The following AFG2A variants were observed in gnomAD, a reference collection of about 807,000 sequenced individuals.
The protein encoded by AFG2A is AAA ATPase AFG2A.
At chr4:123,214,777 A>G in the AFG2A span, among the ~76,000 whole-genome samples, 12 of 133,084 alleles carry the variant, frequency 9.0e-5, no homozygotes, top group Non-Finnish European at 1.9e-4. Context: ...CTTCCACTTA[A>G]TGAATAGTAA....
chr4:123,267,462 T>A, the AFG2A span, among the ~76,000 whole-genome samples: 2 of 152,036 alleles, frequency 1.3e-5, no homozygotes, highest in Non-Finnish European at 2.9e-5. Context: ...CATGCTACTT[T>A]ACCATTGTGG....
At chr4:123,109,139 T>C in the AFG2A span, among the ~76,000 whole-genome samples, 1 of 152,102 alleles carries the variant, frequency 6.6e-6, no homozygotes, top group East Asian at 1.9e-4. Flanking sequence ...TGAAGTGGTA[T>C]ATGTGTGTCG....
the AFG2A span, among the ~76,000 whole-genome samples, chr4:123,014,405 T>C: frequency 3.4e-3 from 517 of 152,306 alleles, 3 homozygotes; most frequent in Middle Eastern, 0.014. Context: ...GAGTTTTTTT[T>C]CTTATACTTG....
the AFG2A span, among the ~76,000 whole-genome samples, chr4:123,283,045 G>C: frequency 6.6e-6 from 1 of 152,040 alleles, no homozygotes; most frequent in Non-Finnish European, 1.5e-5. Context: ...GGAAGTCTAG[G>C]TCAGATGCTC....
chr4:123,058,881 A>G, the AFG2A span, among the ~76,000 whole-genome samples: 3 of 152,178 alleles, frequency 2.0e-5, no homozygotes, highest in Non-Finnish European at 4.4e-5. Flanking sequence ...ACAGTCCCTC[A>G]AAGTCTTAAC....
the AFG2A span, among the ~76,000 whole-genome samples, chr4:123,167,626 C>T: frequency 1.3e-5 from 2 of 152,160 alleles, no homozygotes; most frequent in African/African-American, 4.8e-5. Context: ...GGATTACAGG[C>T]GTGAGCCACT....
chr4:123,164,500 A>G, the AFG2A span, among the ~76,000 whole-genome samples: 4 of 152,118 alleles, frequency 2.6e-5, no homozygotes, highest in Non-Finnish European at 4.4e-5. Context: ...AGTAGCTGGG[A>G]TTCCAGGCAC....
the AFG2A span, among the ~76,000 whole-genome samples, chr4:123,055,733 G>C: frequency 5.3e-5 from 8 of 152,292 alleles, no homozygotes; most frequent in East Asian, 1.5e-3. Context: ...GAGGGAGAGA[G>C]AGACACACAC....
chr4:122,924,345 C>T, the AFG2A span, among the ~76,000 whole-genome samples: 4 of 152,180 alleles, frequency 2.6e-5, no homozygotes, highest in Non-Finnish European at 4.4e-5. Flanking sequence ...CATACTCTCC[C>T]TAGCCTATTC....
chr4:123,222,016 G>A, the AFG2A span, among the ~76,000 whole-genome samples: 7 of 152,136 alleles, frequency 4.6e-5, no homozygotes, highest in South Asian at 2.1e-4. Context: ...TTCATTGTCC[G>A]TTTAAATGGA....
chr4:123,118,475 C>T, the AFG2A span, among the ~76,000 whole-genome samples: 6 of 150,932 alleles, frequency 4.0e-5, no homozygotes, highest in African/African-American at 1.5e-4. Context: ...ATCTTTTTCT[C>T]TCAGTAAATG....
At chr4:123,116,714 T>G in the AFG2A span, among the ~76,000 whole-genome samples, 1 of 152,200 alleles carries the variant, frequency 6.6e-6, no homozygotes, top group East Asian at 1.9e-4. Flanking sequence ...AAAAGAGGCT[T>G]TAGAGACAGA....
the AFG2A span, among the ~76,000 whole-genome samples, chr4:123,111,712 T>C: frequency 4.7e-5 from 7 of 149,764 alleles, no homozygotes; most frequent in Non-Finnish European, 1.0e-4. Context: ...ATTATACTTC[T>C]TCTTCTTCTT....
the AFG2A span, among the ~76,000 whole-genome samples, chr4:123,025,520 ATGTCTTGTT>A: frequency 6.6e-6 from 1 of 151,566 alleles, no homozygotes; most frequent in Non-Finnish European, 1.5e-5. Flanking sequence ...TAGTTTATGA[ATGTCTTGTT>A]TGTGAAAGTG....
the AFG2A span, among the ~76,000 whole-genome samples, chr4:123,064,001 C>CA: frequency 4.5e-4 from 69 of 152,188 alleles, no homozygotes; most frequent in African/African-American, 1.6e-3. Context: ...CTTTGTATTT[C>CA]AAAAAAATCG....
the AFG2A span, among the ~76,000 whole-genome samples, chr4:123,231,164 G>T: frequency 6.6e-6 from 1 of 152,104 alleles, no homozygotes; most frequent in East Asian, 1.9e-4. Context: ...TTTCTCTCTA[G>T]CTATGAAAGT....
chr4:123,025,773 T>A, the AFG2A span, among the ~76,000 whole-genome samples: 2 of 152,198 alleles, frequency 1.3e-5, no homozygotes, highest in African/African-American at 4.8e-5. Flanking sequence ...TTCTCTTTTT[T>A]AAAAGTTTTT....
the AFG2A span, among the ~76,000 whole-genome samples, chr4:123,033,324 A>G: frequency 6.6e-6 from 1 of 152,130 alleles, no homozygotes; most frequent in Non-Finnish European, 1.5e-5. Context: ...TGTATTATAT[A>G]TATGCTCTTC....
the AFG2A span, among the ~76,000 whole-genome samples, chr4:123,027,087 A>G: frequency 6.6e-6 from 1 of 151,994 alleles, no homozygotes. Flanking sequence ...GTGAGTTTTC[A>G]GTATCTGCAT....
Sources: gnomAD v4.1 joint callset for allele counts (sites outside exome capture counted in the v4.1 genomes callset) on GRCh38, gnomAD v4.1.1 for gene constraint, MANE v1.5 for transcripts, NCBI Gene and HGNC (gene_info 2026-07-23, HGNC 2026-07-21) for gene names.